Variants in SLC38A9 observed in about 807,000 individuals in gnomAD.
SLC38A9 encodes the protein solute carrier family 38 member 9, also known as neutral amino acid transporter 9.
A neutral mutation model predicts 62.3 loss-of-function variants in SLC38A9; 48 were observed. The observed-to-expected ratio is 0.77, with a 90% CI of 0.61 to 0.98. The LOEUF is 0.98. SLC38A9 is among the 50% of genes least tolerant of loss of function. The pLI, the probability that SLC38A9 is intolerant of heterozygous loss-of-function variation, is 0.00. For missense variants in SLC38A9, 541 were observed against 679.8 expected (o/e 0.80, Z 2.27); for synonymous variants, 204 against 227.7 (o/e 0.90, Z 0.94).
chr5:55,638,827 G>C (rs903847462), intron 12 of SLC38A9, among the ~76,000 whole-genome samples: 1 of 152,052 alleles, frequency 6.6e-6, no homozygotes, highest in Admixed American at 6.6e-5. Flanking sequence ...ACAAAGCAGG[G>C]TAATACAACT....
Position 55,652,530 on chromosome 5 carries a change from T to C in SLC38A9, c.951A>G (p.Leu317=), listed in dbSNP as rs762223683. 1.9e-6 allele frequency: 3 copies of C among 1,591,368 alleles called. No homozygotes were observed. Among genetic ancestry groups the C allele is most frequent in the Non-Finnish European group, 2.6e-6 (3 of 1,166,616 alleles). The change falls in exon 10 of 16, where the codon CTA becomes CTG. Residue 317 remains leucine, a splice_region_variant and synonymous_variant. Transcript: ENST00000396865. Reference sequence around the variant, plus strand: ...CCATAATTCAGTGCTACTACTTACCTAGGATATTAAATTTTGAAAAAAATG... The same window carrying C: ...CCATAATTCAGTGCTACTACTTACCCAGGATATTAAATTTTGAAAAAAATG... ...SPSFFSKFNI[L]GTVSVLYLIF... is the part of the protein sequence containing the mutation.
intron 14 of SLC38A9, among the ~76,000 whole-genome samples, chr5:55,628,364 C>T (rs577950350): frequency 3.3e-5 from 5 of 151,996 alleles, no homozygotes; most frequent in Non-Finnish European, 7.4e-5. Flanking sequence ...ATTTACTTGA[C>T]AGAATATGTT....
Position 55,649,744 on chromosome 5 carries a change from T to C in SLC38A9, c.953-430A>G, listed in dbSNP as rs187590118. Among the ~76,000 whole-genome samples the C allele has an allele frequency of 5.3e-5, 8 of 152,068 alleles. No homozygotes were observed. The East Asian group carries it at 1.2e-3, about 22-fold the overall frequency. On this transcript the variant is annotated intron_variant, in intron 10 of 15. Transcript: ENST00000396865. Reference sequence around the variant, plus strand: ...GGCTGAGACAGGAGAATCACTTGAATTCGGGAAGCAGAGTTTGCAGTGAGC... The same window carrying C: ...GGCTGAGACAGGAGAATCACTTGAACTCGGGAAGCAGAGTTTGCAGTGAGC...
intron 1 of SLC38A9, among the ~76,000 whole-genome samples, 180 bp downstream of exon 1, chr5:55,712,037 G>A (rs979961827): frequency 6.6e-5 from 10 of 152,148 alleles, no homozygotes; most frequent in African/African-American, 1.9e-4. Context: ...AGCAGTCTCC[G>A]CGGCTCCAGG....
chr5:55,670,090 G>A (rs1452157364), intron 4 of SLC38A9, among the ~76,000 whole-genome samples: 2 of 151,958 alleles, frequency 1.3e-5, no homozygotes, highest in African/African-American at 2.4e-5. Context: ...TCAGCCTCCC[G>A]AGTAGCTGGG....
At chr5:55,661,444 CAAAAAAAAAAAAA>C (rs3072768) in intron 8 of SLC38A9, among the ~76,000 whole-genome samples, 4 of 67,644 alleles carry the variant, frequency 5.9e-5, no homozygotes, top group South Asian at 7.8e-4. Flanking sequence ...GACTCCGTCT[CAAAAAAAAAAAAA>C]AAAAAAAAAA....
intron 4 of SLC38A9, among the ~76,000 whole-genome samples, chr5:55,670,252 GC>G (rs1455839869): frequency 6.6e-6 from 1 of 152,058 alleles, no homozygotes; most frequent in African/African-American, 2.4e-5. Context: ...ACAGGCGTAA[GC>G]CACCACGCCT....
intron 7 of SLC38A9, among the ~76,000 whole-genome samples, chr5:55,666,210 T>A (rs1022204175): frequency 6.6e-6 from 1 of 152,210 alleles, no homozygotes; most frequent in Admixed American, 6.5e-5. Context: ...GAGATTCCTA[T>A]CATTTAGGAT....
At chr5:55,638,829 A>ACACAGACT (rs1744904583) in intron 12 of SLC38A9, among the ~76,000 whole-genome samples, 1 of 152,222 alleles carries the variant, frequency 6.6e-6, no homozygotes, top group Admixed American at 6.5e-5. Context: ...AAAGCAGGGT[A>ACACAGACT]ATACAACTAA....
At chr5:55,692,271 A>G (rs901733408) in intron 3 of SLC38A9, among the ~76,000 whole-genome samples, 1 of 152,236 alleles carries the variant, frequency 6.6e-6, no homozygotes. Flanking sequence ...AGATTTTTGA[A>G]GAAACATTCA....
At chr5:55,680,275 G>A (rs552253311) in intron 3 of SLC38A9, among the ~76,000 whole-genome samples, 40 of 152,236 alleles carry the variant, frequency 2.6e-4, no homozygotes, top group African/African-American at 9.1e-4. Context: ...TAGATGTGAT[G>A]CAAACGAAAC....
At chr5:55,664,989 A>G (rs1750225996) in intron 7 of SLC38A9, 126 bp from the exon 8 acceptor site, 1 of 479,538 alleles carries the variant, frequency 2.1e-6, no homozygotes, top group Non-Finnish European at 3.7e-6. Context: ...GCTAGACATT[A>G]GAATATATTA....
At chr5:55,686,321 G>A (rs1753814936) in intron 3 of SLC38A9, among the ~76,000 whole-genome samples, 1 of 152,104 alleles carries the variant, frequency 6.6e-6, no homozygotes, top group Non-Finnish European at 1.5e-5. Flanking sequence ...TAACCATTCT[G>A]ACTGGTGTGA....
chr5:55,691,320 G>A, intron 3 of SLC38A9: 1 of 1,467,406 alleles, frequency 6.8e-7, no homozygotes, highest in Non-Finnish European at 9.0e-7. Flanking sequence ...GATAAGTACT[G>A]GTGAATAAGG....
intron 14 of SLC38A9, among the ~76,000 whole-genome samples, 171 bp from the exon 15 acceptor site, chr5:55,628,151 C>T (rs972781831): frequency 2.6e-5 from 4 of 152,040 alleles, no homozygotes; most frequent in Admixed American, 6.5e-5. Flanking sequence ...ATTGTGGTAA[C>T]GAGAAAGTGA....
At position 55,694,779 on chromosome 5, in the gene SLC38A9, A is replaced by G. The variant is rs968867390; in HGVS notation, c.113+3067T>C. ...CTCCTTTCCTTTCCTTTCCTGACAG[A>G]GTCTTGCTCTATCACCAGGCTGGAG... On this transcript the variant is annotated intron_variant, in intron 3 of 15. Coordinates refer to ENST00000396865, the MANE Select transcript of SLC38A9 (RefSeq NM_173514.4). Among the ~76,000 whole-genome samples the G allele has an allele frequency of 3.7e-5, 5 of 135,916 alleles. No individual in the cohort carries two copies. The South Asian group carries it at 9.1e-4, about 25-fold the overall frequency. The allele number at this position is 135,916 out of a possible 152,430, so 89.2% of individuals were successfully genotyped here. A position where few individuals can be genotyped will look rare whatever the true frequency, so the allele number is the denominator to read the frequency against.
intron 2 of SLC38A9, among the ~76,000 whole-genome samples, chr5:55,701,444 T>G (rs1756633025): frequency 6.6e-6 from 1 of 152,254 alleles, no homozygotes; most frequent in Non-Finnish European, 1.5e-5. Flanking sequence ...TGACTTCTTT[T>G]TCTCACAGTC....
chr5:55,691,186 TACCGGATTCTCC>T, intron 3 of SLC38A9: 1 of 846,696 alleles, frequency 1.2e-6, no homozygotes, highest in Non-Finnish European at 1.9e-6. Flanking sequence ...ACTTCATATT[TACCGGATTCTCC>T]ATGTTAAAAT....
intron 12 of SLC38A9, among the ~76,000 whole-genome samples, chr5:55,641,331 C>G (rs778939841): frequency 1.3e-5 from 2 of 152,162 alleles, no homozygotes; most frequent in Non-Finnish European, 2.9e-5. Flanking sequence ...TACTGTGCAC[C>G]AGCTTCTAAC....
Sources: allele counts gnomAD v4.1 joint callset (sites outside exome capture counted in the v4.1 genomes callset), GRCh38; gene constraint gnomAD v4.1.1; transcripts MANE v1.5; gene names NCBI Gene and HGNC (gene_info 2026-07-23, HGNC 2026-07-21).